The following GALNT14 variants were observed in gnomAD, a reference collection of about 807,000 sequenced individuals.
The protein encoded by GALNT14 is polypeptide N-acetylgalactosaminyltransferase 14, also known as UDP-GalNAc:polypeptide N-acetylgalactosaminyltransferase 14.
Under a neutral mutation model 77.5 loss-of-function variants are expected in GALNT14, and 60 were observed. The ratio of observed to expected loss-of-function variants is 0.77; its 90% confidence interval spans 0.63 to 0.96. GALNT14 has a LOEUF of 0.96. Ranked by LOEUF, GALNT14 falls within the 40% of genes least tolerant of loss-of-function variation. The pLI is 0.00. For synonymous variants in GALNT14, 280 were observed against 281.7 expected, an observed-to-expected ratio of 0.99 and a Z score of 0.06; for missense variants, 710 against 731.0, an observed-to-expected ratio of 0.97 and a Z score of 0.33.
intron 2 of GALNT14, among the ~76,000 whole-genome samples, chr2:30,992,030 A>T (rs1348498803): frequency 6.6e-5 from 10 of 152,212 alleles, no homozygotes; most frequent in Middle Eastern, 3.2e-3. Flanking sequence ...CCTGCAGCAG[A>T]CAAGAAAGGC....
At chr2:30,926,707 C>A (rs1342633426) in intron 11 of GALNT14, among the ~76,000 whole-genome samples, 1 of 148,518 alleles carries the variant, frequency 6.7e-6, no homozygotes, top group Admixed American at 6.8e-5. Flanking sequence ...GCCATGCCTG[C>A]AGAGTTCTGG....
intron 1 of GALNT14, among the ~76,000 whole-genome samples, chr2:31,026,878 G>T (rs1672088441): frequency 6.6e-6 from 1 of 152,160 alleles, no homozygotes; most frequent in Non-Finnish European, 1.5e-5. Flanking sequence ...ACTTTTTTGA[G>T]TACAACCTAA....
chr2:31,077,780 G>A (rs939596046), intron 1 of GALNT14, among the ~76,000 whole-genome samples: 7 of 152,264 alleles, frequency 4.6e-5, no homozygotes, highest in South Asian at 4.1e-4. Context: ...ACCTTTGGGC[G>A]TCATTCCTTA....
chr2:30,896,734 T>G, the GALNT14 span, among the ~76,000 whole-genome samples: 555 of 152,282 alleles, frequency 3.6e-3, 3 homozygotes, highest in Admixed American at 7.3e-3. Context: ...TGAAGGAATT[T>G]ACCCAGTAGG....
In GALNT14 at chr2:31,136,846, G is replaced by A. The variant is rs1002251928; in HGVS notation, c.129+1112C>T. 2.0e-5 allele frequency among the ~76,000 whole-genome samples: 3 copies of A among 152,118 alleles called. No homozygotes were observed. In the East Asian group the frequency reaches 5.8e-4, roughly 29 times the overall value. On this transcript the variant is annotated intron_variant, in intron 1 of 14. Coordinates refer to ENST00000349752, the MANE Select transcript of GALNT14 (RefSeq NM_024572.4). ...ACCCAACTCCTACAACTACTTATGA[G>A]GAAGGCACCTACTATGCACCTGGCA...
intron 1 of GALNT14, among the ~76,000 whole-genome samples, chr2:31,063,895 A>G (rs1159915566): frequency 6.6e-6 from 1 of 152,122 alleles, no homozygotes; most frequent in Non-Finnish European, 1.5e-5. Context: ...AAATTCTTGA[A>G]AATGAATTGC....
intron 8 of GALNT14, 94 bp from the exon 9 acceptor site, chr2:30,942,398 C>CCAA: frequency 1.1e-6 from 1 of 891,672 alleles, no homozygotes; most frequent in Non-Finnish European, 1.8e-6. Flanking sequence ...ACCCATTTCC[C>CCAA]ATTTGGGGAA....
At chr2:30,990,657 T>C (rs901885927) in intron 2 of GALNT14, among the ~76,000 whole-genome samples, 8 of 152,230 alleles carry the variant, frequency 5.3e-5, no homozygotes, top group African/African-American at 1.9e-4. Flanking sequence ...GCTTTGCACA[T>C]AGTAGGTGAT....
At chr2:30,975,795 G>C (rs1007137659) in intron 2 of GALNT14, among the ~76,000 whole-genome samples, 7 of 152,264 alleles carry the variant, frequency 4.6e-5, no homozygotes, top group Non-Finnish European at 2.9e-5. Context: ...TATAGAGACA[G>C]TAATTAAGTT....
In GALNT14 at chr2:30,998,006, A is replaced by C. The variant is rs144663220; in HGVS notation, c.130-4999T>G. On this transcript the variant is annotated intron_variant, in intron 1 of 14. Coordinates refer to ENST00000349752, the MANE Select transcript of GALNT14 (RefSeq NM_024572.4). ...GAGTTTGACTTTTTTTAGGCTTCAC[A>C]TATAAACGAGATCATTATTCAGCCT... Among the ~76,000 whole-genome samples, 584 of 152,252 alleles carry C rather than the reference A, an allele frequency of 3.8e-3. 1 individual carries two copies. Among genetic ancestry groups the C allele is most frequent in the African/African-American group, 0.012 (505 of 41,536 alleles).
Position 30,980,313 on chromosome 2 carries a change from G to A in GALNT14, c.299+12525C>T, listed in dbSNP as rs114194717. On this transcript the variant is annotated intron_variant, in intron 2 of 14. Transcript: ENST00000349752. ...CAGACCTGCTTTGGCCCACAGCTGCGGAGCAGCAGGAAAGATGATGAAACC... is the reference window on the plus strand; with the variant it reads ...CAGACCTGCTTTGGCCCACAGCTGCAGAGCAGCAGGAAAGATGATGAAACC... Among the ~76,000 whole-genome samples the A allele has an allele frequency of 2.7e-3, 406 of 152,318 alleles. 3 individuals carry two copies. The highest frequency in any genetic ancestry group is 8.7e-3 in the African/African-American group (361 of 41,572).
chr2:31,102,092 T>C (rs1477764700), intron 1 of GALNT14, among the ~76,000 whole-genome samples: 2 of 152,178 alleles, frequency 1.3e-5, no homozygotes, highest in African/African-American at 2.4e-5. Context: ...ATGTCTTTAC[T>C]AGCAGCATGA....
intron 1 of GALNT14, among the ~76,000 whole-genome samples, chr2:31,131,751 C>T (rs946874324): frequency 6.6e-6 from 1 of 152,146 alleles, no homozygotes; most frequent in African/African-American, 2.4e-5. Flanking sequence ...CGTCAGCCCA[C>T]GGCAGCCTTA....
At chr2:31,043,811 A>C (rs1673251811) in intron 1 of GALNT14, among the ~76,000 whole-genome samples, 1 of 152,220 alleles carries the variant, frequency 6.6e-6, no homozygotes, top group Non-Finnish European at 1.5e-5. Context: ...ACGATCTATA[A>C]ATAAAGAATG....
chr2:31,089,512 G>A (rs754952909), intron 1 of GALNT14, among the ~76,000 whole-genome samples: 35 of 152,190 alleles, frequency 2.3e-4, no homozygotes, highest in Middle Eastern at 6.8e-3. Flanking sequence ...TTCTGGAGAC[G>A]GACACGTTTT....
intron 1 of GALNT14, among the ~76,000 whole-genome samples, chr2:31,081,561 T>C (rs1019330291): frequency 6.6e-6 from 1 of 152,196 alleles, no homozygotes; most frequent in Non-Finnish European, 1.5e-5. Flanking sequence ...CAGCAAAAAA[T>C]AGTTAAACAT....
At chr2:31,059,384 A>G (rs1674442905) in intron 1 of GALNT14, among the ~76,000 whole-genome samples, 1 of 152,214 alleles carries the variant, frequency 6.6e-6, no homozygotes, top group South Asian at 2.1e-4. Context: ...CAGGAATTCA[A>G]TTTGATATCA....
At chr2:30,892,166 A>G in the GALNT14 span, among the ~76,000 whole-genome samples, 31 of 152,240 alleles carry the variant, frequency 2.0e-4, no homozygotes, top group Non-Finnish European at 4.4e-5. Flanking sequence ...TTACAGCCAT[A>G]GATGATTACA....
At chr2:31,133,648 C>A (rs1307667656) in intron 1 of GALNT14, among the ~76,000 whole-genome samples, 1 of 152,168 alleles carries the variant, frequency 6.6e-6, no homozygotes, top group Non-Finnish European at 1.5e-5. Context: ...AAATAAGAGA[C>A]AAATTTGCTG....
Sources: gnomAD v4.1 joint callset for allele counts (sites outside exome capture counted in the v4.1 genomes callset) on GRCh38, gnomAD v4.1.1 for gene constraint, MANE v1.5 for transcripts, NCBI Gene and HGNC (gene_info 2026-07-23, HGNC 2026-07-21) for gene names.